The following TSPAN18 variants were observed in gnomAD, a reference collection of about 807,000 sequenced individuals.
TSPAN18 encodes tetraspanin 18.
A neutral mutation model predicts 27.3 loss-of-function variants in TSPAN18; 14 were observed. The observed-to-expected ratio is 0.51, with a 90% CI of 0.34 to 0.80. The LOEUF (loss-of-function observed/expected upper bound fraction) is 0.80, where lower values mean the gene tolerates loss of function less well. TSPAN18 is among the 30% of genes least tolerant of loss of function. TSPAN18 has a pLI of 0.01. For synonymous variants in TSPAN18, 143 were observed against 136.5 expected, an observed-to-expected ratio of 1.05 and a Z score of -0.33; for missense variants, 268 against 323.9, an observed-to-expected ratio of 0.83 and a Z score of 1.32.
intron 2 of TSPAN18, among the ~76,000 whole-genome samples, chr11:44,849,926 TG>T (rs935339558): frequency 1.3e-5 from 2 of 152,052 alleles, no homozygotes; most frequent in African/African-American, 4.8e-5. Flanking sequence ...ATCAGTTGGG[TG>T]GGGGGCATCC....
chr11:44,882,199 C>G (rs544733012), intron 3 of TSPAN18, among the ~76,000 whole-genome samples: 1 of 152,192 alleles, frequency 6.6e-6, no homozygotes, highest in Admixed American at 6.5e-5. Flanking sequence ...GCCTCCCATT[C>G]CCCTAGAAGC....
chr11:44,909,869 C>T lies in TSPAN18; in HGVS notation c.228C>T (p.Ala76=), dbSNP rs1217918419. The T allele has an allele frequency of 1.9e-6, 3 of 1,613,678 alleles. No individual in the cohort carries two copies. Among genetic ancestry groups the T allele is most frequent in the Non-Finnish European group, 1.7e-6 (2 of 1,179,832 alleles). The change falls in exon 5 of 10, where the codon GCC becomes GCT. Residue 76 remains alanine, a synonymous_variant. Transcript: ENST00000520358. ...TCGGCTTCCTGGGCTGCTGCGGGGC[C>T]GTCCGTGAGAACAAGTGTCTGCTGC... ...FLLGFLGCCG[A]VRENKCLLLF... is the part of the protein sequence containing the mutation.
At chr11:44,873,821 G>A (rs1479259114) in intron 3 of TSPAN18, among the ~76,000 whole-genome samples, 1 of 152,204 alleles carries the variant, frequency 6.6e-6, no homozygotes, top group Admixed American at 6.5e-5. Context: ...CAGAGCATGG[G>A]GCAGAGCCCA....
chr11:44,845,586 T>G (rs1250838267), intron 2 of TSPAN18, among the ~76,000 whole-genome samples: 1 of 152,230 alleles, frequency 6.6e-6, no homozygotes, highest in African/African-American at 2.4e-5. Context: ...GGAGGCAACA[T>G]GTGAACTGGG....
At chr11:44,905,288 A>G (rs1292077709) in intron 3 of TSPAN18, among the ~76,000 whole-genome samples, 2 of 152,148 alleles carry the variant, frequency 1.3e-5, no homozygotes, top group African/African-American at 4.8e-5. Context: ...CCCTACATCC[A>G]TCCACACCCC....
chr11:44,862,013 T>C (rs1590597136), intron 3 of TSPAN18, among the ~76,000 whole-genome samples: 1 of 152,038 alleles, frequency 6.6e-6, no homozygotes, highest in Non-Finnish European at 1.5e-5. Flanking sequence ...TGTTCCTTTT[T>C]CCCCCCACCT....
At chr11:44,804,009 G>A (rs1228370992) in intron 2 of TSPAN18, among the ~76,000 whole-genome samples, 1 of 152,200 alleles carries the variant, frequency 6.6e-6, no homozygotes, top group Non-Finnish European at 1.5e-5. Flanking sequence ...AGCTCACTGA[G>A]CCTGCCTGTG....
At chr11:44,927,974 G>A (rs1860429856) in intron 9 of TSPAN18, among the ~76,000 whole-genome samples, 1 of 152,152 alleles carries the variant, frequency 6.6e-6, no homozygotes, top group Non-Finnish European at 1.5e-5. Flanking sequence ...GAGCCTGGCT[G>A]GCCAGCCCCA....
chr11:44,841,047 C>A (rs926290034), intron 2 of TSPAN18, among the ~76,000 whole-genome samples: 4 of 152,198 alleles, frequency 2.6e-5, no homozygotes, highest in Non-Finnish European at 5.9e-5. Flanking sequence ...CCCCCCAGGG[C>A]AGCAGGAGCC....
chr11:44,833,094 C>G (rs747574024), intron 2 of TSPAN18, among the ~76,000 whole-genome samples: 1 of 151,432 alleles, frequency 6.6e-6, no homozygotes, highest in Non-Finnish European at 1.5e-5. Flanking sequence ...AACACTGTCT[C>G]CTCACTCTGG....
At chr11:44,822,576 A>G (rs1219074178) in intron 2 of TSPAN18, among the ~76,000 whole-genome samples, 15 of 151,808 alleles carry the variant, frequency 9.9e-5, no homozygotes, top group Admixed American at 9.2e-4. Flanking sequence ...AATGAGTCAC[A>G]TGACCACATA....
At position 44,741,447 on chromosome 11, in the gene TSPAN18, A is replaced by ATATGTGTG. The variant is rs59390988; in HGVS notation, c.-240+14161_-240+14162insATGTGTGT. ...CTATTCAAACCTGTCTCAGACATGTATGTGTGTGTGTGTGTGTGTGTGTGT... is the reference window on the plus strand; with the variant it reads ...CTATTCAAACCTGTCTCAGACATGTATATGTGTGTGTGTGTGTGTGTGTGTGTGTGTGT... On this transcript the variant is annotated intron_variant, in intron 1 of 9. Transcript: ENST00000520358. Among the ~76,000 whole-genome samples, 45 of 147,478 alleles carry ATATGTGTG rather than the reference A, an allele frequency of 3.1e-4. No homozygotes were observed. The East Asian group carries it at 5.4e-3, about 18-fold the overall frequency.
At chr11:44,899,656 C>A (rs1859186638) in intron 3 of TSPAN18, among the ~76,000 whole-genome samples, 1 of 152,230 alleles carries the variant, frequency 6.6e-6, no homozygotes, top group African/African-American at 2.4e-5. Flanking sequence ...GACTGTACCT[C>A]TATGATACCA....
At chr11:44,828,493 G>T (rs1390430996) in intron 2 of TSPAN18, among the ~76,000 whole-genome samples, 1 of 152,164 alleles carries the variant, frequency 6.6e-6, no homozygotes, top group Non-Finnish European at 1.5e-5. Flanking sequence ...CCACAGGTAA[G>T]TCCACAAGGC....
At chr11:44,854,269 C>T (rs1857679231) in intron 2 of TSPAN18, among the ~76,000 whole-genome samples, 1 of 151,228 alleles carries the variant, frequency 6.6e-6, no homozygotes, top group African/African-American at 2.4e-5. Context: ...AGAGACCTCT[C>T]CCTCCCCCAC....
chr11:44,872,476 A>G (rs1858222296), intron 3 of TSPAN18, among the ~76,000 whole-genome samples: 1 of 152,256 alleles, frequency 6.6e-6, no homozygotes. Context: ...AGTGCCCGGC[A>G]CATGCTAAGT....
chr11:44,889,471 G>A (rs1858771468), intron 3 of TSPAN18, among the ~76,000 whole-genome samples: 1 of 152,228 alleles, frequency 6.6e-6, no homozygotes, highest in South Asian at 2.1e-4. Flanking sequence ...GAGGCAGGAG[G>A]GTTTCCAGAG....
At chr11:44,746,094 A>C (rs1855068709) in intron 1 of TSPAN18, among the ~76,000 whole-genome samples, 1 of 152,168 alleles carries the variant, frequency 6.6e-6, no homozygotes, top group Non-Finnish European at 1.5e-5. Context: ...AGGTGCATAA[A>C]ACTCCAGATT....
chr11:44,862,691 C>G (rs78648487), intron 3 of TSPAN18, among the ~76,000 whole-genome samples: 4,035 of 152,340 alleles, frequency 0.026, 184 homozygotes, highest in African/African-American at 0.091. Context: ...CTCTGGGTGT[C>G]TTGCCCCCAA....
Sources: allele counts gnomAD v4.1 joint callset (sites outside exome capture counted in the v4.1 genomes callset), GRCh38; gene constraint gnomAD v4.1.1; transcripts MANE v1.5; gene names NCBI Gene and HGNC (gene_info 2026-07-23, HGNC 2026-07-21).